The following ULK1 variants were observed in gnomAD, a reference collection of about 807,000 sequenced individuals.
ULK1 encodes the protein unc-51 like autophagy activating kinase 1.
ULK1 carries 48 observed loss-of-function variants against 117.5 expected under a neutral mutation model. That is an observed-to-expected ratio of 0.41 (90% CI 0.32 to 0.52). ULK1 has a LOEUF of 0.52. Ranked by LOEUF, ULK1 falls within the 20% of genes least tolerant of loss-of-function variation. The probability of loss-of-function intolerance (pLI) is 0.29; values close to 1 mark genes in which losing one functional copy is unlikely to be tolerated. For missense variants in ULK1, 1,387 were observed against 1,473.4 expected (o/e 0.94, Z 0.96); for synonymous variants, 790 against 637.8 (o/e 1.24, Z -3.60).
chr12:131,903,922 T>C lies in ULK1; in HGVS notation c.247-2970T>C, dbSNP rs916487426. On this transcript the variant is annotated intron_variant, in intron 3 of 27. Coordinates refer to ENST00000321867, the MANE Select transcript of ULK1 (RefSeq NM_003565.4). This position sits in a 1 kb window ranked among gnomAD's most constrained non-coding sequence, Gnocchi z 6.0. ...TAGGAAGGTGACCTAGGGGGTGACA[T>C]CTGTGACTCTGGGGCAAGGCCAGGG... Among the ~76,000 whole-genome samples, 4 of 152,086 alleles carry C rather than the reference T, an allele frequency of 2.6e-5. No homozygotes were observed. The highest frequency in any genetic ancestry group is 3.4e-3 in the Middle Eastern group (1 of 294).
Position 131,908,762 on chromosome 12 carries a change from G to A in ULK1, c.435G>A (p.Leu145=), listed in dbSNP as rs779827977. The change falls in exon 6 of 28, where the codon CTG becomes CTA. Residue 145 remains leucine (L), a synonymous_variant. Transcript: ENST00000321867. ...IHRDLKPQNI[L]LSNPAGRRAN... Reference sequence around the variant, plus strand: ...GCGACCTGAAACCGCAGAACATCCTGCTGTCCAACCCCGCCGGCCGCCGCG... The same window carrying A: ...GCGACCTGAAACCGCAGAACATCCTACTGTCCAACCCCGCCGGCCGCCGCG... The A allele has an allele frequency of 6.2e-7, 1 of 1,608,648 alleles. No homozygotes were observed. Among genetic ancestry groups the A allele is most frequent in the South Asian group, 1.1e-5 (1 of 90,876 alleles).
Position 131,895,663 on chromosome 12 carries a change from G to A in ULK1, c.174G>A (p.Thr58=). ...AGAAGAACCTCGCCAAGTCTCAGACGCTGCTGGGGAAGGAAATCAAAATCC... is the reference window on the plus strand; with the variant it reads ...AGAAGAACCTCGCCAAGTCTCAGACACTGCTGGGGAAGGAAATCAAAATCC... ...INKKNLAKSQ[T]LLGKEIKILK... The change falls in exon 2 of 28, where the codon ACG becomes ACA. Residue 58 remains threonine (T), a synonymous_variant. Transcript: ENST00000321867. The A allele has an allele frequency of 6.2e-7, 1 of 1,614,138 alleles. No homozygotes were observed. Among genetic ancestry groups the A allele is most frequent in the Non-Finnish European group, 8.5e-7 (1 of 1,179,986 alleles).
intron 1 of ULK1, among the ~76,000 whole-genome samples, 174 bp downstream of exon 1, chr12:131,895,286 T>C (rs1250584898): frequency 6.8e-6 from 1 of 146,818 alleles, no homozygotes. Flanking sequence ...AGCCCGACTT[T>C]CCAGTTCAGA....
intron 20 of ULK1, 110 bp downstream of exon 20, chr12:131,916,701 C>A: frequency 7.4e-7 from 1 of 1,343,480 alleles, no homozygotes; most frequent in Non-Finnish European, 9.8e-7. Flanking sequence ...CCAGCCTTGC[C>A]CTTCTGTGGG....
chr12:131,908,044 T>C (rs1171851468), intron 5 of ULK1, among the ~76,000 whole-genome samples: 1 of 151,180 alleles, frequency 6.6e-6, no homozygotes, highest in Non-Finnish European at 1.5e-5. Context: ...GTCCTGAGGG[T>C]CTGGAGGTGG....
chr12:131,904,482 C>T (rs1889197977), intron 3 of ULK1, among the ~76,000 whole-genome samples: 1 of 152,082 alleles, frequency 6.6e-6, no homozygotes, highest in Non-Finnish European at 1.5e-5. Context: ...GAGGTGGCTG[C>T]CTTAGTGTTT....
rs1888779918 is a variant in ULK1, at chr12:131,894,639, G to T, written c.-363G>T. 6.6e-6 allele frequency: 1 copy of T among 151,110 alleles called. No individual in the cohort carries two copies. The highest frequency in any genetic ancestry group is 2.1e-4 in the South Asian group (1 of 4,788). The allele number at this position is 151,110 out of a possible 1,614,324, so 9.4% of individuals were successfully genotyped here. Reference sequence around the variant, plus strand: ...CGGCGCGCAGTGCGGCTGCGCGGGCGTCTCAGGCTCTGAGGCCCGGGCGCC... The same window carrying T: ...CGGCGCGCAGTGCGGCTGCGCGGGCTTCTCAGGCTCTGAGGCCCGGGCGCC... On this transcript the variant is annotated 5_prime_UTR_variant, in exon 1 of 28. Transcript: ENST00000321867.
chr12:131,910,125 G>A (rs1331302374), intron 10 of ULK1, 124 bp downstream of exon 10: 2 of 1,564,508 alleles, frequency 1.3e-6, no homozygotes, highest in Non-Finnish European at 1.8e-6. Flanking sequence ...CACAAGCCAA[G>A]CGCAGGCAGG....
rs1890148030 is a variant in ULK1, at chr12:131,921,441, A to G, written c.*80A>G. ...GTGTGCTGGCTGGACTCCTCGGGAC[A>G]AGCCCATGGCGCTGATCGCTGGTGC... On this transcript the variant is annotated 3_prime_UTR_variant, in exon 28 of 28. Coordinates refer to ENST00000321867, the MANE Select transcript of ULK1 (RefSeq NM_003565.4). The G allele has an allele frequency of 1.9e-6, 3 of 1,583,554 alleles. No individual in the cohort carries two copies. The highest frequency in any genetic ancestry group is 2.6e-6 in the Non-Finnish European group (3 of 1,168,038).
At position 131,916,050 on chromosome 12, in the gene ULK1, C is replaced by A. The variant is rs1179295412; in HGVS notation, c.1769C>A (p.Pro590His). 1.2e-6 allele frequency: 2 copies of A among 1,612,458 alleles called. No homozygotes were observed. Among genetic ancestry groups the A allele is most frequent in the East Asian group, 4.5e-5 (2 of 44,870 alleles). ...AVFSPPQASP[P>H]QPSHGLQSCR... Reference sequence around the variant, plus strand: ...TTCAGCCCACCACAGGCCAGCCCTCCCCAGCCGTCCCACGGCCTGCAGTCC... The same window carrying A: ...TTCAGCCCACCACAGGCCAGCCCTCACCAGCCGTCCCACGGCCTGCAGTCC... The change falls in exon 19 of 28, where the codon CCC becomes CAC. Residue 590 changes from proline to histidine, a missense_variant. Around this residue, in one of 4 missense-constraint regions of ULK1, gnomAD observed 900 missense variants for 858.9 expected, o/e 1.05. Coordinates refer to ENST00000321867, the MANE Select transcript of ULK1 (RefSeq NM_003565.4).
chr12:131,911,467 C>G (rs571399735), intron 12 of ULK1, among the ~76,000 whole-genome samples: 1 of 152,316 alleles, frequency 6.6e-6, no homozygotes, highest in East Asian at 1.9e-4. Context: ...CCCTGGGGCA[C>G]TTGGGGCTTT....
rs201391696 is a variant in ULK1 at position 131,919,442 on chromosome 12, G to A, written c.2685-30G>A. The stretch of plus-strand genomic sequence containing the variant: ...GGTGGCCTGGGGGCCAGGACCAACC[G>A]GCCTCCTCTGATCTGCCTGCCGCCC... On this transcript the variant is annotated intron_variant, in intron 24 of 27. Transcript: ENST00000321867. 6.1e-5 allele frequency: 98 copies of A among 1,597,722 alleles called. No individual in the cohort carries two copies. In the African/African-American group the frequency reaches 1.1e-3, roughly 18 times the overall value.
chr12:131,918,430 T>G (rs1593275612), intron 22 of ULK1, 67 bp from the exon 23 acceptor site: 1 of 1,524,312 alleles, frequency 6.6e-7, no homozygotes, highest in Middle Eastern at 1.7e-4. Context: ...TGGGAGTCTG[T>G]GGGGGATGGA....
intron 8 of ULK1, among the ~76,000 whole-genome samples, chr12:131,909,492 G>A (rs539476174): frequency 2.0e-5 from 3 of 152,254 alleles, no homozygotes; most frequent in African/African-American, 4.8e-5. Context: ...CTAGTCGCCT[G>A]TCTGGTCGCC....
chr12:131,908,749 C>T lies in ULK1; in HGVS notation c.422C>T (p.Pro141Leu). ...SKGIIHRDLK[P>L]QNILLSNPAG... The stretch of plus-strand genomic sequence containing the variant: ...GGCATCATCCACCGCGACCTGAAAC[C>T]GCAGAACATCCTGCTGTCCAACCCC... The change falls in exon 6 of 28, where the codon CCG (proline) becomes CTG (leucine). Residue 141 changes from proline (P) to leucine (L), a missense_variant. Physicochemically the swap from Pro to Leu is moderately conservative, Grantham distance 98. This residue lies in a region of ULK1 where 224 missense variants were observed against 325.2 expected (regional missense o/e 0.69). Transcript: ENST00000321867. 6.2e-7 allele frequency: 1 copy of T among 1,608,948 alleles called. No individual in the cohort carries two copies. The highest frequency in any genetic ancestry group is 8.5e-7 in the Non-Finnish European group (1 of 1,178,672).
intron 8 of ULK1, 131 bp from the exon 9 acceptor site, chr12:131,909,644 C>A: frequency 1.0e-6 from 1 of 982,958 alleles, no homozygotes; most frequent in Non-Finnish European, 1.5e-6. Flanking sequence ...AACAGCCGCG[C>A]TAGCACCCGG....
At chr12:131,913,957 C>T in intron 15 of ULK1, 121 bp downstream of exon 15, 1 of 915,330 alleles carries the variant, frequency 1.1e-6, no homozygotes, top group African/African-American at 1.7e-5. Context: ...GCCTTCTTCT[C>T]CCAGGCCTCG....
intron 3 of ULK1, among the ~76,000 whole-genome samples, chr12:131,899,197 C>T (rs187026818): frequency 2.1e-4 from 31 of 148,882 alleles, no homozygotes; most frequent in African/African-American, 6.9e-4. Flanking sequence ...TTTATATATA[C>T]GTTTTTCTGA....
chr12:131,900,116 A>G (rs1889028018), intron 3 of ULK1, among the ~76,000 whole-genome samples: 1 of 1,086 alleles, frequency 9.2e-4, no homozygotes, highest in Non-Finnish European at 3.8e-3. Context: ...AACTCTCTCA[A>G]AAAAAAAAAA....
Sources: allele counts gnomAD v4.1 joint callset (sites outside exome capture counted in the v4.1 genomes callset), GRCh38; gene constraint gnomAD v4.1.1; regional missense constraint gnomAD v4.1.1; non-coding constraint Gnocchi (gnomAD v3.1); transcripts MANE v1.5; gene names NCBI Gene and HGNC (gene_info 2026-07-23, HGNC 2026-07-21).